Variants in EDNRA observed in about 807,000 individuals in gnomAD.
The protein encoded by EDNRA is endothelin receptor type A, also known as endothelin-1 receptor.
In EDNRA, 11 loss-of-function variants were observed where a neutral mutation model predicts 41.4. That is an observed-to-expected ratio of 0.27 (90% CI 0.17 to 0.44). The LOEUF is 0.44. EDNRA is among the 20% of genes least tolerant of loss of function. The pLI, the probability that EDNRA is intolerant of heterozygous loss-of-function variation, is 1.00. For synonymous variants in EDNRA, 172 were observed against 183.0 expected (o/e 0.94, Z 0.49); for missense variants, 294 against 531.0 (o/e 0.55, Z 4.39).
intron 3 of EDNRA, among the ~76,000 whole-genome samples, chr4:147,525,157 C>T (rs1401967722): frequency 6.6e-6 from 1 of 152,196 alleles, no homozygotes; most frequent in Admixed American, 6.5e-5. Context: ...ATTACTTCGT[C>T]AATCAATGAT....
At chr4:147,509,440 T>C (rs2126428402) in intron 2 of EDNRA, among the ~76,000 whole-genome samples, 1 of 152,316 alleles carries the variant, frequency 6.6e-6, no homozygotes, top group South Asian at 2.1e-4. Flanking sequence ...GGTTCCCCAG[T>C]GGTCTGCATA....
chr4:147,496,329 T>A (rs10305878), intron 2 of EDNRA, among the ~76,000 whole-genome samples: 29 of 152,238 alleles, frequency 1.9e-4, no homozygotes, highest in South Asian at 6.2e-4. Flanking sequence ...ATGTCATAAG[T>A]ATGGGTATTT....
chr4:147,495,600 G>C (rs191353913), intron 2 of EDNRA: 1 of 152,166 alleles, frequency 6.6e-6, no homozygotes, highest in African/African-American at 2.4e-5. Flanking sequence ...AAACTGAGAG[G>C]AAAGATTGAG....
intron 5 of EDNRA, among the ~76,000 whole-genome samples, chr4:147,537,277 T>A (rs377465421): frequency 6.6e-6 from 1 of 152,252 alleles, no homozygotes; most frequent in African/African-American, 2.4e-5. Flanking sequence ...TGTGTATGCA[T>A]GTACTTTATA....
At chr4:147,504,791 CA>C (rs370758151) in intron 2 of EDNRA, among the ~76,000 whole-genome samples, 4 of 148,808 alleles carry the variant, frequency 2.7e-5, no homozygotes, top group Admixed American at 2.0e-4. Context: ...TCCATCTCTA[CA>C]AAAAAAAATA....
Position 147,485,979 on chromosome 4 carries a change from A to G in EDNRA, c.298A>G (p.Thr100Ala). Residue 100 changes from threonine to alanine, a missense_variant, in exon 2 of 8, where the codon ACT becomes GCT. By Grantham distance (58) the Thr-to-Ala change is moderately conservative. Around this residue, in one of 3 missense-constraint regions of EDNRA, gnomAD observed 90 missense variants for 122.8 expected, o/e 0.73. Transcript: ENST00000651419. Reference sequence around the variant, plus strand: ...CATCGTGGGAATGGTGGGGAATGCAACTCTGCTCAGGATCATTTACCAGAA... The same window carrying G: ...CATCGTGGGAATGGTGGGGAATGCAGCTCTGCTCAGGATCATTTACCAGAA... Reference protein sequence around the residue: ...IFIVGMVGNATLLRIIYQNKC... With the variant: ...IFIVGMVGNAALLRIIYQNKC... 1.2e-6 allele frequency: 2 copies of G among 1,614,198 alleles called. No individual in the cohort carries two copies. Among genetic ancestry groups the G allele is most frequent in the Non-Finnish European group, 1.7e-6 (2 of 1,180,032 alleles).
intron 3 of EDNRA, among the ~76,000 whole-genome samples, 169 bp from the exon 4 acceptor site, chr4:147,532,337 A>AC (rs1730779508): frequency 6.6e-6 from 1 of 150,676 alleles, no homozygotes; most frequent in South Asian, 2.1e-4. Context: ...AAAAAAAAAA[A>AC]AAAAAAAAAA....
chr4:147,520,188 G>C (rs564068776), intron 3 of EDNRA, among the ~76,000 whole-genome samples: 2 of 152,118 alleles, frequency 1.3e-5, no homozygotes, highest in East Asian at 3.8e-4. Flanking sequence ...TATGTACCTA[G>C]AGCATTTTAT....
chr4:147,504,304 A>G (rs190658268), intron 2 of EDNRA, among the ~76,000 whole-genome samples: 7 of 152,232 alleles, frequency 4.6e-5, no homozygotes, highest in Non-Finnish European at 8.8e-5. Context: ...ACATTAAAAT[A>G]TGTTGTCTCT....
chr4:147,488,899 A>G (rs998982239), intron 2 of EDNRA: 2 of 152,138 alleles, frequency 1.3e-5, no homozygotes, highest in Admixed American at 6.5e-5. Flanking sequence ...CTCTAACCAT[A>G]TCAAGTTCAC....
intron 2 of EDNRA, among the ~76,000 whole-genome samples, chr4:147,509,602 C>G (rs1005778339): frequency 6.6e-6 from 1 of 152,128 alleles, no homozygotes; most frequent in East Asian, 1.9e-4. Context: ...CAGCTGCTCC[C>G]CATCACTCGC....
Position 147,539,848 on chromosome 4 carries a change from T to TGTAATTTTTGCTC in EDNRA, c.933_934insTAATTTTTGCTCG (p.Val312Ter). The TGTAATTTTTGCTC allele has an allele frequency of 6.2e-7, 1 of 1,611,888 alleles. No individual in the cohort carries two copies. The highest frequency in any genetic ancestry group is 8.5e-7 in the Non-Finnish European group (1 of 1,179,652). On this transcript the variant is annotated stop_gained and frameshift_variant, in exon 6 of 8. Coordinates refer to ENST00000651419, the MANE Select transcript of EDNRA (RefSeq NM_001957.4). LOFTEE classifies it high-confidence loss of function. ...GAAGTGGCAAAAACAGTTTTCTGCT[T>TGTAATTTTTGCTC]GGTTGTAATTTTTGCTCTTTGCTGG...
At chr4:147,534,989 T>G (rs1408791155) in intron 4 of EDNRA, among the ~76,000 whole-genome samples, 1 of 152,178 alleles carries the variant, frequency 6.6e-6, no homozygotes. Context: ...ACTGTCCCAT[T>G]TTTTACAGAG....
At chr4:147,528,677 A>G (rs1014378209) in intron 3 of EDNRA, among the ~76,000 whole-genome samples, 1 of 151,986 alleles carries the variant, frequency 6.6e-6, no homozygotes, top group African/African-American at 2.4e-5. Flanking sequence ...TAGATGATAA[A>G]CCAAATAAAT....
At chr4:147,524,829 C>T (rs1730474988) in intron 3 of EDNRA, among the ~76,000 whole-genome samples, 1 of 152,060 alleles carries the variant, frequency 6.6e-6, no homozygotes, top group African/African-American at 2.4e-5. Flanking sequence ...ATCATTCACA[C>T]TTAATTCCTG....
chr4:147,513,417 T>C (rs1471782958), intron 2 of EDNRA, among the ~76,000 whole-genome samples: 1 of 152,230 alleles, frequency 6.6e-6, no homozygotes, highest in African/African-American at 2.4e-5. Flanking sequence ...AATTAATGCA[T>C]AACAGAAGAA....
At chr4:147,483,758 T>A (rs1160524499) in intron 1 of EDNRA, among the ~76,000 whole-genome samples, 2 of 151,670 alleles carry the variant, frequency 1.3e-5, no homozygotes, top group African/African-American at 2.4e-5. Flanking sequence ...CTCACTCTGC[T>A]GCTCAGGATG....
intron 3 of EDNRA, among the ~76,000 whole-genome samples, chr4:147,522,009 AT>A (rs1260675339): frequency 2.6e-5 from 4 of 152,164 alleles, no homozygotes; most frequent in Non-Finnish European, 5.9e-5. Context: ...ACACTGACAA[AT>A]CAGTGGGAAA....
In EDNRA at chr4:147,542,158, A is replaced by AC. The variant is rs567143928; in HGVS notation, c.1144-313dup. Among the ~76,000 whole-genome samples the AC allele has an allele frequency of 5.3e-5, 8 of 150,714 alleles. No individual in the cohort carries two copies. The South Asian group carries it at 8.5e-4, about 16-fold the overall frequency. On this transcript the variant is annotated intron_variant, in intron 7 of 7. Transcript: ENST00000651419. ...TGGTGCACACTGAAGAAACGCTAGG[A>AC]CCCCCCCACCAGCCCAGCCCTACCC...
Sources: allele counts gnomAD v4.1 joint callset (sites outside exome capture counted in the v4.1 genomes callset), GRCh38; gene constraint gnomAD v4.1.1; regional missense constraint gnomAD v4.1.1; transcripts MANE v1.5; gene names NCBI Gene and HGNC (gene_info 2026-07-23, HGNC 2026-07-21).